Variants in ATP8A1 observed in about 807,000 individuals in gnomAD.
The protein encoded by ATP8A1 is ATPase phospholipid transporting 8A1.
In ATP8A1, 90 loss-of-function variants were observed where a neutral mutation model predicts 177.7. The ratio of observed to expected loss-of-function variants is 0.51; its 90% CI spans 0.43 to 0.60. ATP8A1 has a LOEUF of 0.60. Ranked by LOEUF, ATP8A1 falls within the 20% of genes least tolerant of loss-of-function variation. The probability of loss-of-function intolerance (pLI) is 0.00; values close to 1 mark genes in which losing one functional copy is unlikely to be tolerated. For synonymous variants in ATP8A1, 493 were observed against 485.9 expected (o/e 1.01, Z -0.19); for missense variants, 1,072 against 1,392.8 (o/e 0.77, Z 3.67).
At chr4:42,573,644 T>C (rs1394975194) in intron 14 of ATP8A1, among the ~76,000 whole-genome samples, 2 of 152,206 alleles carry the variant, frequency 1.3e-5, no homozygotes, top group Non-Finnish European at 1.5e-5. Flanking sequence ...CATGCTCTCG[T>C]AACGCAAAGA....
intron 24 of ATP8A1, among the ~76,000 whole-genome samples, chr4:42,497,023 A>G (rs967219327): frequency 2.3e-4 from 35 of 152,182 alleles, no homozygotes; most frequent in Non-Finnish European, 4.4e-5. Context: ...AAAGGGGGAT[A>G]AGTGTTGGAT....
chr4:42,469,471 T>C (rs1577995648), intron 25 of ATP8A1, among the ~76,000 whole-genome samples: 1 of 152,184 alleles, frequency 6.6e-6, no homozygotes, highest in East Asian at 1.9e-4. Flanking sequence ...AAAGATCCAC[T>C]ATTTTTATAG....
chr4:42,547,559 C>T (rs1578141928), intron 19 of ATP8A1, among the ~76,000 whole-genome samples: 2 of 152,222 alleles, frequency 1.3e-5, no homozygotes, highest in Admixed American at 1.3e-4. Flanking sequence ...ATCTAAATGG[C>T]AATTAATAGA....
At chr4:42,530,234 G>C (rs950010223) in intron 20 of ATP8A1, among the ~76,000 whole-genome samples, 3 of 152,224 alleles carry the variant, frequency 2.0e-5, no homozygotes, top group Non-Finnish European at 2.9e-5. Flanking sequence ...GGATGACCTG[G>C]CTATGGCCAC....
At chr4:42,476,249 C>T (rs1721050351) in intron 25 of ATP8A1, among the ~76,000 whole-genome samples, 1 of 152,100 alleles carries the variant, frequency 6.6e-6, no homozygotes, top group South Asian at 2.1e-4. Flanking sequence ...GATCCCCCCT[C>T]CTTCCTAGCA....
At chr4:42,555,139 A>AATCAATCTATCTATCT (rs1730014064) in intron 16 of ATP8A1, among the ~76,000 whole-genome samples, 1 of 59,528 alleles carries the variant, frequency 1.7e-5, no homozygotes, top group East Asian at 4.3e-4. Context: ...CTATCTATCT[A>AATCAATCTATCTATCT]ATCTATCTAT....
chr4:42,465,760 A>G (rs1719672731), intron 25 of ATP8A1, among the ~76,000 whole-genome samples: 2 of 152,040 alleles, frequency 1.3e-5, no homozygotes, highest in Admixed American at 1.3e-4. Context: ...TGGCCGGGTG[A>G]GGTGGCTCAT....
chr4:42,627,883 A>G (rs1329610765), intron 1 of ATP8A1, among the ~76,000 whole-genome samples: 1 of 152,198 alleles, frequency 6.6e-6, no homozygotes, highest in East Asian at 1.9e-4. Flanking sequence ...TGCCTAGCCA[A>G]TGCCAACTCC....
intron 25 of ATP8A1, among the ~76,000 whole-genome samples, chr4:42,485,003 T>C (rs974820967): frequency 4.6e-5 from 7 of 152,208 alleles, no homozygotes; most frequent in Non-Finnish European, 5.9e-5. Flanking sequence ...GAATTAGGCC[T>C]TGATAACTCA....
intron 5 of ATP8A1, 27 bp downstream of exon 5, chr4:42,616,006 T>A (rs766504106): frequency 6.4e-7 from 1 of 1,569,354 alleles, no homozygotes; most frequent in Non-Finnish European, 8.7e-7. Context: ...TTGACAAATA[T>A]GAGAAAAAAG....
rs541099913 is a variant in ATP8A1, at chr4:42,647,618, A to C, written c.49+9207T>G. The stretch of plus-strand genomic sequence containing the variant: ...AAATATATAGTATTAAAATTCATTT[A>C]ACATCTCTTTTTACATTTTAAATGT... On this transcript the variant is annotated intron_variant, in intron 1 of 36. Coordinates refer to ENST00000381668, the MANE Select transcript of ATP8A1 (RefSeq NM_006095.2). Among the ~76,000 whole-genome samples, 6 of 151,742 alleles carry C rather than the reference A, an allele frequency of 4.0e-5. No individual in the cohort carries two copies. In the East Asian group the frequency reaches 1.2e-3, roughly 29 times the overall value.
chr4:42,450,706 G>A (rs1030777210), intron 30 of ATP8A1, among the ~76,000 whole-genome samples: 2 of 152,252 alleles, frequency 1.3e-5, no homozygotes, highest in East Asian at 1.9e-4. Context: ...TACTCACCTC[G>A]CTTATGCCAC....
At chr4:42,540,553 T>TAAAA (rs147451489) in intron 20 of ATP8A1, among the ~76,000 whole-genome samples, 1 of 142,534 alleles carries the variant, frequency 7.0e-6, no homozygotes, top group Admixed American at 6.9e-5. Context: ...GACCAATAGA[T>TAAAA]AAAAAAAAAA....
chr4:42,448,666 G>A (rs1717575861), intron 30 of ATP8A1, among the ~76,000 whole-genome samples: 1 of 151,302 alleles, frequency 6.6e-6, no homozygotes, highest in African/African-American at 2.4e-5. Context: ...CCGAAGTGCT[G>A]GGATTACAGG....
At chr4:42,451,900 T>A in intron 30 of ATP8A1, 81 bp downstream of exon 30, 1 of 1,063,106 alleles carries the variant, frequency 9.4e-7, no homozygotes, top group Non-Finnish European at 1.4e-6. Context: ...ACTGCTATAC[T>A]TTTAAACATA....
chr4:42,456,272 A>G (rs1292473420), intron 27 of ATP8A1, among the ~76,000 whole-genome samples: 2 of 152,198 alleles, frequency 1.3e-5, no homozygotes, highest in African/African-American at 2.4e-5. Flanking sequence ...GCTATTATAA[A>G]TAACTCTAAA....
At chr4:42,607,243 A>C (rs1179548092) in intron 5 of ATP8A1, among the ~76,000 whole-genome samples, 3 of 152,352 alleles carry the variant, frequency 2.0e-5, no homozygotes, top group African/African-American at 4.8e-5. Flanking sequence ...GAAATGAAGA[A>C]AGGAAATACA....
intron 33 of ATP8A1, among the ~76,000 whole-genome samples, chr4:42,425,935 G>GT (rs1714562562): frequency 6.6e-6 from 1 of 152,246 alleles, no homozygotes. Context: ...TGCAAAGCTG[G>GT]TAACAGGAGG....
chr4:42,612,162 G>A (rs1384644514), intron 5 of ATP8A1, among the ~76,000 whole-genome samples: 1 of 152,004 alleles, frequency 6.6e-6, no homozygotes, highest in African/African-American at 2.4e-5. Flanking sequence ...TGAAAGTCTG[G>A]GACACAGTGT....
Sources: gnomAD v4.1 joint callset for allele counts (sites outside exome capture counted in the v4.1 genomes callset) on GRCh38, gnomAD v4.1.1 for gene constraint, MANE v1.5 for transcripts, NCBI Gene and HGNC (gene_info 2026-07-23, HGNC 2026-07-21) for gene names.